SGCG: variants seen among roughly 807,000 people sequenced by gnomAD.
SGCG encodes the protein sarcoglycan gamma, also known as gamma-sarcoglycan.
SGCG carries 26 observed loss-of-function variants against 29.3 expected under a neutral mutation model. The observed-to-expected ratio is 0.89, with a 90% CI of 0.65 to 1.23. The LOEUF (loss-of-function observed/expected upper bound fraction) is 1.23. Ranked by LOEUF, SGCG falls within the 50% of genes most tolerant of loss-of-function variation. The pLI, the probability that SGCG is intolerant of heterozygous loss-of-function variation, is 0.00. For missense variants in SGCG, 353 were observed against 356.0 expected, an observed-to-expected ratio of 0.99 and a Z score of 0.07; for synonymous variants, 145 against 129.7, an observed-to-expected ratio of 1.12 and a Z score of -0.80.
intron 6 of SGCG, among the ~76,000 whole-genome samples, chr13:23,318,965 C>G (rs181875200): frequency 6.6e-6 from 1 of 152,312 alleles, no homozygotes; most frequent in East Asian, 1.9e-4. Context: ...TCCTTCCACT[C>G]CTCCACGCAA....
At position 23,232,025 on chromosome 13, in the gene SGCG, G is replaced by T. The variant is rs1466901298; in HGVS notation, c.196-2586G>T. On this transcript the variant is annotated intron_variant, in intron 2 of 7. Transcript: ENST00000218867. The stretch of plus-strand genomic sequence containing the variant: ...TCCCAGCTACTCTGGAGGCTGAGGT[G>T]GGAGAAACACTTGAGCCCAGGAGGT... 3.3e-5 allele frequency among the ~76,000 whole-genome samples: 5 copies of T among 152,008 alleles called. No homozygotes were observed. In the East Asian group the frequency reaches 9.7e-4, roughly 30 times the overall value.
intron 3 of SGCG, among the ~76,000 whole-genome samples, chr13:23,239,307 A>C (rs1879421475): frequency 6.6e-6 from 1 of 152,156 alleles, no homozygotes; most frequent in African/African-American, 2.4e-5. Flanking sequence ...TAAAGCCAGA[A>C]GACACTGAAG....
chr13:23,195,536 G>A (rs1877460492), intron 1 of SGCG, among the ~76,000 whole-genome samples: 1 of 151,402 alleles, frequency 6.6e-6, no homozygotes, highest in Admixed American at 6.6e-5. Flanking sequence ...TTTCAGGTCT[G>A]TTAGATACTT....
chr13:23,251,183 A>T (rs1879952925), intron 4 of SGCG, among the ~76,000 whole-genome samples: 1 of 152,058 alleles, frequency 6.6e-6, no homozygotes, highest in Non-Finnish European at 1.5e-5. Context: ...TGGCTGTATC[A>T]CTTCTCACTG....
chr13:23,169,487 T>C, the SGCG span, among the ~76,000 whole-genome samples: 1 of 151,984 alleles, frequency 6.6e-6, no homozygotes, highest in Non-Finnish European at 1.5e-5. Context: ...GAGACCATTC[T>C]GGCCAACATG....
At chr13:23,285,134 G>A (rs534347798) in intron 5 of SGCG, among the ~76,000 whole-genome samples, 20 of 152,320 alleles carry the variant, frequency 1.3e-4, no homozygotes, top group South Asian at 2.1e-4. Context: ...TAGCTCAAGC[G>A]CTGTGCTGGG....
intron 2 of SGCG, among the ~76,000 whole-genome samples, chr13:23,232,231 G>T (rs1280303864): frequency 6.6e-6 from 1 of 152,062 alleles, no homozygotes; most frequent in Admixed American, 6.6e-5. Context: ...ACTCCCAAAT[G>T]TCAGTTCGAA....
chr13:23,317,403 C>T (rs1882858722), intron 6 of SGCG, among the ~76,000 whole-genome samples: 1 of 152,052 alleles, frequency 6.6e-6, no homozygotes, highest in Admixed American at 6.5e-5. Flanking sequence ...AGGAAAAAAG[C>T]CATGACCTGC....
intron 1 of SGCG, among the ~76,000 whole-genome samples, chr13:23,193,890 G>A (rs1474030570): frequency 6.6e-6 from 1 of 152,148 alleles, no homozygotes; most frequent in Non-Finnish European, 1.5e-5. Context: ...TTAGAGGCCA[G>A]AGAAAAAGAG....
At chr13:23,250,530 G>A in intron 3 of SGCG, 100 bp from the exon 4 acceptor site, 2 of 714,980 alleles carry the variant, frequency 2.8e-6, no homozygotes, top group Non-Finnish European at 5.1e-6. Flanking sequence ...TGTAACAATG[G>A]ATAAATAATT....
chr13:23,201,409 G>C (rs56954313), intron 1 of SGCG, among the ~76,000 whole-genome samples: 13,438 of 152,026 alleles, frequency 0.088, 708 homozygotes, highest in Middle Eastern at 0.16. Context: ...CCAGGCTCTC[G>C]AAAGGGAAAG....
intron 1 of SGCG, among the ~76,000 whole-genome samples, chr13:23,192,029 G>A (rs936650804): frequency 6.6e-6 from 1 of 151,792 alleles, no homozygotes; most frequent in African/African-American, 2.4e-5. Context: ...CAAAAAATAA[G>A]CCGGGCGTGG....
chr13:23,312,777 G>A (rs2137512407), intron 6 of SGCG, among the ~76,000 whole-genome samples: 1 of 151,552 alleles, frequency 6.6e-6, no homozygotes, highest in South Asian at 2.1e-4. Flanking sequence ...TGATAAATAT[G>A]GAGATTTTCT....
intron 4 of SGCG, 46 bp from the exon 5 acceptor site, chr13:23,279,313 A>G (rs1477491690): frequency 1.9e-6 from 3 of 1,592,142 alleles, no homozygotes; most frequent in Non-Finnish European, 1.7e-6. Flanking sequence ...AGATTTGGAC[A>G]CTGCTTGTAG....
At chr13:23,170,923 A>G in the SGCG span, among the ~76,000 whole-genome samples, 1 of 152,226 alleles carries the variant, frequency 6.6e-6, no homozygotes, top group Non-Finnish European at 1.5e-5. Context: ...GCATCATAGC[A>G]GAGGAAGCTG....
rs539454310 is a variant in SGCG, at chr13:23,203,202, G to A, written c.1-493G>A. Among the ~76,000 whole-genome samples, 511 of 152,090 alleles carry A rather than the reference G, an allele frequency of 3.4e-3. 2 individuals are homozygous for A. Among genetic ancestry groups the A allele is most frequent in the African/African-American group, 0.011 (477 of 41,490 alleles). The stretch of plus-strand genomic sequence containing the variant: ...TCTCGATCTCCTGACCTCGTGATCC[G>A]CCCACCTCAGCCTCCCAAAGTGCTG... On this transcript the variant is annotated intron_variant, in intron 1 of 7. Transcript: ENST00000218867.
chr13:23,292,119 C>CTTTTTTTTTTTTT (rs71100167), intron 5 of SGCG, among the ~76,000 whole-genome samples: 11 of 147,538 alleles, frequency 7.5e-5, no homozygotes, highest in South Asian at 6.5e-4. Flanking sequence ...ACATTTCTTT[C>CTTTTTTTTTTTTT]TTTTTTTTGA....
At chr13:23,172,331 G>A in the SGCG span, among the ~76,000 whole-genome samples, 1 of 152,156 alleles carries the variant, frequency 6.6e-6, no homozygotes, top group South Asian at 2.1e-4. Flanking sequence ...TAACACTTAG[G>A]AAAGTCACTG....
intron 5 of SGCG, among the ~76,000 whole-genome samples, chr13:23,291,086 TAC>T (rs1166234371): frequency 6.6e-6 from 1 of 152,236 alleles, no homozygotes; most frequent in African/African-American, 2.4e-5. Flanking sequence ...GTTGTTTGAG[TAC>T]TACTCCTTCA....
Sources: allele counts gnomAD v4.1 joint callset (sites outside exome capture counted in the v4.1 genomes callset), GRCh38; gene constraint gnomAD v4.1.1; transcripts MANE v1.5; gene names NCBI Gene and HGNC (gene_info 2026-07-23, HGNC 2026-07-21).